The following NAV2 variants were observed in gnomAD, a reference collection of about 807,000 sequenced individuals.
NAV2 encodes the protein neuron navigator 2.
Under a neutral mutation model 223.2 loss-of-function variants are expected in NAV2, and 54 were observed. The observed-to-expected ratio is 0.24, with a 90% CI of 0.19 to 0.30. The LOEUF is 0.30. Among genes scored for constraint, NAV2 ranks in the 10% least tolerant of loss-of-function variants. The probability of loss-of-function intolerance (pLI) is 1.00; values close to 1 mark genes in which losing one functional copy is unlikely to be tolerated. For missense variants in NAV2, 2,806 were observed against 3,147.5 expected (o/e 0.89, Z 2.60); for synonymous variants, 1,279 against 1,239.3 (o/e 1.03, Z -0.67).
chr11:19,953,054 C>G (rs2625310), intron 10 of NAV2, among the ~76,000 whole-genome samples: 138,256 of 152,218 alleles, frequency 0.91, 62,877 homozygotes, highest in East Asian at 0.98. Flanking sequence ...CAATCTTCTA[C>G]TCATATTCTA....
At chr11:19,759,505 G>C (rs2054548501) in intron 1 of NAV2, among the ~76,000 whole-genome samples, 2 of 151,962 alleles carry the variant, frequency 1.3e-5, no homozygotes, top group Non-Finnish European at 1.5e-5. Context: ...AGTCTTTCTG[G>C]GAAAAAAACA....
At chr11:19,875,676 A>C (rs756562794) in intron 4 of NAV2, among the ~76,000 whole-genome samples, 1 of 152,248 alleles carries the variant, frequency 6.6e-6, no homozygotes, top group Non-Finnish European at 1.5e-5. Context: ...TTTTAGGATG[A>C]TAGAAATATT....
intron 1 of NAV2, among the ~76,000 whole-genome samples, chr11:19,543,047 T>C (rs2044383765): frequency 6.6e-6 from 1 of 152,228 alleles, no homozygotes; most frequent in Non-Finnish European, 1.5e-5. Context: ...AAGTTTATTA[T>C]CTTTTCCAAA....
chr11:19,600,344 A>G (rs1032560224), intron 1 of NAV2, among the ~76,000 whole-genome samples: 2 of 152,214 alleles, frequency 1.3e-5, no homozygotes, highest in African/African-American at 2.4e-5. Flanking sequence ...CTGTCTGTGA[A>G]TGACCTCCAG....
At chr11:19,935,939 C>T (rs2045859733) in intron 7 of NAV2, among the ~76,000 whole-genome samples, 1 of 139,602 alleles carries the variant, frequency 7.2e-6, no homozygotes, top group Non-Finnish European at 1.5e-5. Flanking sequence ...CTCACTGCAA[C>T]CTCTGCCTCC....
At chr11:19,444,806 G>C (rs1421242259) in intron 1 of NAV2, among the ~76,000 whole-genome samples, 1 of 152,038 alleles carries the variant, frequency 6.6e-6, no homozygotes, top group African/African-American at 2.4e-5. Context: ...GGCTTTTCTA[G>C]TGGTTAACTG....
chr11:19,410,919 G>A (rs889033929), intron 1 of NAV2, among the ~76,000 whole-genome samples: 1 of 152,144 alleles, frequency 6.6e-6, no homozygotes, highest in Non-Finnish European at 1.5e-5. Flanking sequence ...AGAGCAGCTT[G>A]ACATCAAATC....
chr11:19,455,352 A>G (rs1851925176), intron 1 of NAV2, among the ~76,000 whole-genome samples: 1 of 152,200 alleles, frequency 6.6e-6, no homozygotes, highest in Non-Finnish European at 1.5e-5. Flanking sequence ...AGCACCTAGA[A>G]CCACAAGTAG....
chr11:19,480,364 C>A (rs370699572), intron 1 of NAV2, among the ~76,000 whole-genome samples: 1 of 152,012 alleles, frequency 6.6e-6, no homozygotes, highest in East Asian at 1.9e-4. Context: ...GGAAAAGTGG[C>A]CCTAGGGCAT....
chr11:19,592,997 G>C (rs555714107), intron 1 of NAV2, among the ~76,000 whole-genome samples: 78 of 152,232 alleles, frequency 5.1e-4, no homozygotes, highest in African/African-American at 1.8e-3. Flanking sequence ...CCAGGCAATT[G>C]ACTGTGTGAG....
At chr11:19,360,511 G>A (rs12272846) in intron 1 of NAV2, among the ~76,000 whole-genome samples, 6 of 152,278 alleles carry the variant, frequency 3.9e-5, no homozygotes, top group East Asian at 3.9e-4. Flanking sequence ...TTTAACAAGT[G>A]TCAGAAATAT....
chr11:19,808,068 A>T (rs1323393897), intron 1 of NAV2, among the ~76,000 whole-genome samples: 4 of 152,100 alleles, frequency 2.6e-5, no homozygotes, highest in Non-Finnish European at 5.9e-5. Context: ...AAGTGTTTTA[A>T]CCTCTCTTAA....
At chr11:19,693,078 A>G (rs567317461) in intron 1 of NAV2, among the ~76,000 whole-genome samples, 1 of 152,366 alleles carries the variant, frequency 6.6e-6, no homozygotes, top group Non-Finnish European at 1.5e-5. Flanking sequence ...CCAATTAAGC[A>G]GATCATTTGG....
At chr11:19,561,823 G>A (rs2045108843) in intron 1 of NAV2, among the ~76,000 whole-genome samples, 1 of 152,216 alleles carries the variant, frequency 6.6e-6, no homozygotes. Context: ...TCCACAGCCT[G>A]CAAGTCTGGC....
intron 1 of NAV2, among the ~76,000 whole-genome samples, chr11:19,393,675 A>G (rs1287873880): frequency 1.3e-5 from 2 of 152,166 alleles, no homozygotes; most frequent in African/African-American, 4.8e-5. Flanking sequence ...AATGAAAAGT[A>G]CCTTTTGTAG....
chr11:19,345,774 T>A (rs923190983), upstream of NAV2, among the ~76,000 whole-genome samples: 2 of 152,146 alleles, frequency 1.3e-5, no homozygotes, highest in African/African-American at 4.8e-5. The surrounding 1 kb of genome is among the most constrained non-coding windows in gnomAD (Gnocchi z 5.2). Context: ...CTATCCGGAG[T>A]GGGTGTGTGT....
At chr11:19,915,526 A>G (rs1364210887) in intron 6 of NAV2, among the ~76,000 whole-genome samples, 1 of 152,208 alleles carries the variant, frequency 6.6e-6, no homozygotes, top group Non-Finnish European at 1.5e-5. Context: ...ATACTCTCTT[A>G]TAATCGGCCT....
At chr11:19,705,266 C>T (rs1322477958) in intron 1 of NAV2, among the ~76,000 whole-genome samples, 1 of 152,100 alleles carries the variant, frequency 6.6e-6, no homozygotes, top group Non-Finnish European at 1.5e-5. Flanking sequence ...AGGTAAAGCC[C>T]TAGGTGGTGC....
chr11:19,542,150 C>T (rs749179524), intron 1 of NAV2, among the ~76,000 whole-genome samples: 7 of 152,174 alleles, frequency 4.6e-5, no homozygotes, highest in African/African-American at 1.4e-4. Flanking sequence ...CAGCCACAGA[C>T]GGGGAGCTCA....
Sources: allele counts gnomAD v4.1 joint callset (sites outside exome capture counted in the v4.1 genomes callset), GRCh38; gene constraint gnomAD v4.1.1; non-coding constraint Gnocchi (gnomAD v3.1); transcripts MANE v1.5; gene names NCBI Gene and HGNC (gene_info 2026-07-23, HGNC 2026-07-21).